Variants in EFHD1 observed in about 807,000 individuals in gnomAD.
The protein encoded by EFHD1 is EF-hand domain-containing protein D1.
A neutral mutation model predicts 17.2 loss-of-function variants in EFHD1; 10 were observed. The ratio of observed to expected loss-of-function variants is 0.58; its 90% CI spans 0.36 to 0.99. EFHD1 has a LOEUF of 0.99. EFHD1 is among the 50% of genes least tolerant of loss of function. The pLI is 0.01. For missense variants in EFHD1, 310 were observed against 327.5 expected (o/e 0.95, Z 0.41); for synonymous variants, 153 against 142.0 (o/e 1.08, Z -0.55).
At chr2:232,672,682 G>T (rs568319311) in intron 3 of EFHD1, among the ~76,000 whole-genome samples, 14 of 152,240 alleles carry the variant, frequency 9.2e-5, no homozygotes, top group African/African-American at 3.1e-4. Flanking sequence ...ATGATGGAGG[G>T]GTGACAATAG....
chr2:232,655,633 G>C (rs2106207054), intron 1 of EFHD1, among the ~76,000 whole-genome samples: 1 of 152,254 alleles, frequency 6.6e-6, no homozygotes, highest in South Asian at 2.1e-4. Flanking sequence ...GTTCCAGTTG[G>C]CCGTTTTGCC....
intron 1 of EFHD1, among the ~76,000 whole-genome samples, chr2:232,607,829 C>T (rs776299360): frequency 6.6e-6 from 1 of 151,674 alleles, no homozygotes; most frequent in African/African-American, 2.4e-5. Context: ...CGTGGTGGCT[C>T]ACGCCTATGA....
At chr2:232,657,636 C>G (rs764301736) in intron 1 of EFHD1, among the ~76,000 whole-genome samples, 2 of 151,660 alleles carry the variant, frequency 1.3e-5, no homozygotes, top group Non-Finnish European at 2.9e-5. Flanking sequence ...ATGATGAAAC[C>G]CTGTCTCTAC....
rs533971338 is a variant in EFHD1, at chr2:232,636,482, G to A, written c.302+2476G>A. On this transcript the variant is annotated intron_variant, in intron 1 of 3. Coordinates refer to ENST00000264059, the MANE Select transcript of EFHD1 (RefSeq NM_025202.4). ...TTTCAGCCTATGGTGAAGGCCAGGT[G>A]GATTTTAGCCCCTAATTTTTAGATT... 2.6e-5 allele frequency among the ~76,000 whole-genome samples: 4 copies of A among 152,292 alleles called. No individual in the cohort carries two copies. In the East Asian group the frequency reaches 5.8e-4, roughly 22 times the overall value.
intron 1 of EFHD1, chr2:232,606,608 C>T (rs1693717335): frequency 4.9e-6 from 1 of 202,836 alleles, no homozygotes; most frequent in Non-Finnish European, 1.0e-5. Flanking sequence ...TGGGGTGCGA[C>T]CGGGCGCGGT....
At chr2:232,640,128 A>C (rs1004642975) in intron 1 of EFHD1, among the ~76,000 whole-genome samples, 4 of 152,222 alleles carry the variant, frequency 2.6e-5, no homozygotes, top group African/African-American at 9.6e-5. Flanking sequence ...AGCATGGACC[A>C]TGATCCTCCA....
chr2:232,662,710 C>T, intron 1 of EFHD1, 92 bp from the exon 2 acceptor site: 1 of 1,517,412 alleles, frequency 6.6e-7, no homozygotes, highest in South Asian at 1.3e-5. Context: ...GTATTTGAGT[C>T]ATTTTTCGAT....
intron 1 of EFHD1, among the ~76,000 whole-genome samples, chr2:232,645,493 C>T (rs570583509): frequency 6.6e-6 from 1 of 152,352 alleles, no homozygotes; most frequent in East Asian, 1.9e-4. Flanking sequence ...TGGCTGCTGA[C>T]AGCCCTCACT....
Position 232,682,727 on chromosome 2 carries a change from T to C in EFHD1, c.*1008T>C, listed in dbSNP as rs1695314471. 6.6e-6 allele frequency: 1 copy of C among 152,258 alleles called. No individual in the cohort carries two copies. Among genetic ancestry groups the C allele is most frequent in the Non-Finnish European group, 1.5e-5 (1 of 68,046 alleles). The allele number at this position is 152,258 out of a possible 1,614,324, so 9.4% of individuals were successfully genotyped here. ...AAATATATCCTAATGTCATATTTAT[T>C]CTCTTTTGTAACTGCTGTCTTTACA... On this transcript the variant is annotated 3_prime_UTR_variant, in exon 4 of 4. Coordinates refer to ENST00000264059, the MANE Select transcript of EFHD1 (RefSeq NM_025202.4).
At chr2:232,613,623 C>CACACACAT (rs1553593990) in intron 1 of EFHD1, among the ~76,000 whole-genome samples, 1 of 103,972 alleles carries the variant, frequency 9.6e-6, no homozygotes, top group Non-Finnish European at 2.3e-5. Flanking sequence ...CACACACACA[C>CACACACAT]ACACACACAT....
At chr2:232,613,729 T>TATACGCACACACATACACACACAA (rs1559335728) in intron 1 of EFHD1, among the ~76,000 whole-genome samples, 48 of 137,514 alleles carry the variant, frequency 3.5e-4, no homozygotes, top group Non-Finnish European at 6.2e-4. Context: ...TACACACACA[T>TATACGCACACACATACACACACAA]ATACGCACAC....
chr2:232,653,089 G>A lies in EFHD1; in HGVS notation c.303-9713G>A, dbSNP rs551697750. Among the ~76,000 whole-genome samples the A allele has an allele frequency of 3.3e-5, 5 of 152,194 alleles. No individual in the cohort carries two copies. The South Asian group carries it at 1.0e-3, about 32-fold the overall frequency. On this transcript the variant is annotated intron_variant, in intron 1 of 3. Coordinates refer to ENST00000264059, the MANE Select transcript of EFHD1 (RefSeq NM_025202.4). ...GCTCACTGCAACCTCTGTCCCCTGG[G>A]TTCAAGAGTTTCTTCTGCCTCAGCC... is the stretch of plus-strand genomic sequence containing the variant.
intron 3 of EFHD1, 90 bp downstream of exon 3, chr2:232,672,533 G>A: frequency 6.6e-7 from 1 of 1,503,862 alleles, no homozygotes; most frequent in Middle Eastern, 2.0e-4. Context: ...TCTCAGCAGA[G>A]CACACCTGCA....
intron 1 of EFHD1, among the ~76,000 whole-genome samples, chr2:232,644,606 G>T (rs994357536): frequency 2.0e-5 from 3 of 151,534 alleles, no homozygotes; most frequent in African/African-American, 7.3e-5. Flanking sequence ...TCCGCCTCCC[G>T]GGTTCAAGCA....
At chr2:232,655,416 C>T (rs375142575) in intron 1 of EFHD1, among the ~76,000 whole-genome samples, 1 of 152,200 alleles carries the variant, frequency 6.6e-6, no homozygotes, top group Admixed American at 6.5e-5. Flanking sequence ...TGCCAAGGTA[C>T]GTCTTCTCAA....
chr2:232,657,667 C>T (rs566002537), intron 1 of EFHD1, among the ~76,000 whole-genome samples: 4 of 151,610 alleles, frequency 2.6e-5, no homozygotes, highest in South Asian at 2.1e-4. Context: ...AAAAATTAGC[C>T]GGCCATGGTG....
intron 1 of EFHD1, among the ~76,000 whole-genome samples, chr2:232,643,280 G>A (rs909770610): frequency 2.0e-5 from 3 of 152,136 alleles, no homozygotes; most frequent in Non-Finnish European, 4.4e-5. Context: ...CAGCCCATCC[G>A]GGGTAGTTTC....
chr2:232,678,099 A>G (rs1695209951), intron 3 of EFHD1, among the ~76,000 whole-genome samples: 1 of 152,078 alleles, frequency 6.6e-6, no homozygotes. Context: ...CCTGGCCAAC[A>G]TGGTGAAACC....
chr2:232,678,075 G>A (rs192702788), intron 3 of EFHD1, among the ~76,000 whole-genome samples: 370 of 152,164 alleles, frequency 2.4e-3, no homozygotes, highest in Non-Finnish European at 3.8e-3. Context: ...TTGAGTTTAG[G>A]AGTTTGAGAC....
Sources: allele counts gnomAD v4.1 joint callset (sites outside exome capture counted in the v4.1 genomes callset), GRCh38; gene constraint gnomAD v4.1.1; transcripts MANE v1.5; gene names NCBI Gene and HGNC (gene_info 2026-07-23, HGNC 2026-07-21).